Variants in NUP62CL observed in about 807,000 individuals in gnomAD.
NUP62CL encodes nucleoporin 62 C-terminal like.
Under a neutral mutation model 15.3 loss-of-function variants are expected in NUP62CL, and 13 were observed. The ratio of observed to expected loss-of-function variants is 0.85; its 90% CI spans 0.55 to 1.35. The LOEUF (loss-of-function observed/expected upper bound fraction) is 1.35. Among genes scored for constraint, NUP62CL ranks in the 40% most tolerant of loss-of-function variants. The pLI is 0.00. For synonymous variants in NUP62CL, 54 were observed against 49.2 expected, an observed-to-expected ratio of 1.10 and a Z score of -0.41; for missense variants, 123 against 130.6, an observed-to-expected ratio of 0.94 and a Z score of 0.28.
chrX:107,191,693 T>A (rs765125224), intron 2 of NUP62CL, among the ~76,000 whole-genome samples: 32 of 103,860 alleles, frequency 3.1e-4, no homozygotes, highest in African/African-American at 1.0e-3. Flanking sequence ...GGCGACAGAG[T>A]GAGACTCCAT....
At chrX:107,152,015 G>A (rs1244391634) in intron 7 of NUP62CL, among the ~76,000 whole-genome samples, 2 of 88,883 alleles carry the variant, frequency 2.3e-5, no homozygotes, top group Non-Finnish European at 4.3e-5. Context: ...GGGCGACAGA[G>A]CAAGACTTCA....
At chrX:107,161,638 G>GGGGGGAC (rs1926375523) in intron 4 of NUP62CL, among the ~76,000 whole-genome samples, 1 of 1,724 alleles carries the variant, frequency 5.8e-4, no homozygotes, top group African/African-American at 1.4e-3. Flanking sequence ...GTGGTGGGGA[G>GGGGGGAC]GGGGGAGGGA....
At chrX:107,198,936 T>A (rs1241604628) in intron 1 of NUP62CL, among the ~76,000 whole-genome samples, 3 of 112,270 alleles carry the variant, frequency 2.7e-5, no homozygotes, top group Admixed American at 9.4e-5. Flanking sequence ...ACTATAATTT[T>A]AAAAAATTAC....
intron 2 of NUP62CL, among the ~76,000 whole-genome samples, chrX:107,178,701 G>C (rs1341102083): frequency 1.8e-5 from 2 of 111,786 alleles, no homozygotes; most frequent in South Asian, 3.7e-4. Context: ...AGGTCCTCTG[G>C]GGGTGAAAGA....
At chrX:107,179,750 C>T (rs1926871369) in intron 2 of NUP62CL, among the ~76,000 whole-genome samples, 1 of 111,822 alleles carries the variant, frequency 8.9e-6, no homozygotes, top group Non-Finnish European at 1.9e-5. Context: ...CGTGGAATTG[C>T]TAAGTCAAAA....
At chrX:107,177,557 T>C (rs905819195) in intron 2 of NUP62CL, among the ~76,000 whole-genome samples, 1 of 111,643 alleles carries the variant, frequency 9.0e-6, no homozygotes, top group African/African-American at 3.3e-5. Flanking sequence ...CAGAGGCAGA[T>C]GTGACTGCAA....
At chrX:107,162,071 C>G (rs1456625832) in intron 4 of NUP62CL, among the ~76,000 whole-genome samples, 3 of 110,205 alleles carry the variant, frequency 2.7e-5, no homozygotes, top group South Asian at 3.8e-4. Context: ...ACGTATAGAA[C>G]TGAAATGTAA....
intron 5 of NUP62CL, 71 bp downstream of exon 5, chrX:107,154,025 A>C: frequency 2.1e-6 from 2 of 956,661 alleles, no homozygotes; most frequent in Non-Finnish European, 1.4e-6. Context: ...CACAAAACAC[A>C]GGTCTATTTT....
At chrX:107,137,603 G>A (rs773803484) in intron 8 of NUP62CL, among the ~76,000 whole-genome samples, 37 of 111,450 alleles carry the variant, frequency 3.3e-4, no homozygotes, top group Non-Finnish European at 6.2e-4. Flanking sequence ...AAAAACTTGC[G>A]TAACATAATA....
At chrX:107,164,756 T>C (rs909547194) in intron 4 of NUP62CL, among the ~76,000 whole-genome samples, 1 of 112,495 alleles carries the variant, frequency 8.9e-6, no homozygotes, top group African/African-American at 3.2e-5. Flanking sequence ...ACCTGAATAG[T>C]TCTAGAACCA....
In NUP62CL at chrX:107,149,216, T is replaced by C. The variant is rs1321772505; in HGVS notation, c.531-1407A>G. Among the ~76,000 whole-genome samples the C allele has an allele frequency of 6.2e-5, 7 of 112,266 alleles. No homozygotes were observed. The East Asian group carries it at 1.7e-3, about 27-fold the overall frequency. On this transcript the variant is annotated intron_variant, in intron 7 of 8. Coordinates refer to ENST00000372466, the MANE Select transcript of NUP62CL (RefSeq NM_017681.3). ...TACTTGATTGAGAACACTCCACTTATATTAATTCAACACAGAGAAACTAGA... is the reference window on the plus strand; with the variant it reads ...TACTTGATTGAGAACACTCCACTTACATTAATTCAACACAGAGAAACTAGA...
chrX:107,177,227 G>A (rs1476932027), intron 2 of NUP62CL, among the ~76,000 whole-genome samples: 2 of 111,130 alleles, frequency 1.8e-5, no homozygotes, highest in South Asian at 3.8e-4. Flanking sequence ...TTGCTCAAAA[G>A]GAAATACTTA....
rs369893920 is a variant in NUP62CL at position 107,144,850 on chromosome X, A to G, written c.*42+2893T>C. ...TTCTCTTACCTGACCACACAAACATAGTAAATTCTGATAATCAGTAACCAG... is the reference window on the plus strand; with the variant it reads ...TTCTCTTACCTGACCACACAAACATGGTAAATTCTGATAATCAGTAACCAG... On this transcript the variant is annotated intron_variant, in intron 8 of 8. Coordinates refer to ENST00000372466, the MANE Select transcript of NUP62CL (RefSeq NM_017681.3). Among the ~76,000 whole-genome samples, 3 of 111,740 alleles carry G rather than the reference A, an allele frequency of 2.7e-5. No individual in the cohort carries two copies. In the East Asian group the frequency reaches 8.4e-4, roughly 31 times the overall value.
intron 2 of NUP62CL, among the ~76,000 whole-genome samples, chrX:107,191,041 T>C (rs1927225340): frequency 9.4e-6 from 1 of 106,495 alleles, no homozygotes; most frequent in African/African-American, 3.4e-5. Flanking sequence ...GTCCAACTTT[T>C]TTTTTTTTTA....
chrX:107,142,284 G>T (rs770875780), intron 8 of NUP62CL, among the ~76,000 whole-genome samples: 6 of 110,851 alleles, frequency 5.4e-5, no homozygotes, highest in Non-Finnish European at 1.1e-4. Flanking sequence ...AACTAAGAAT[G>T]TTTTGCACCA....
At chrX:107,147,628 A>G (rs1358337490) in intron 8 of NUP62CL, 115 bp downstream of exon 8, 1 of 501,697 alleles carries the variant, frequency 2.0e-6, no homozygotes, top group African/African-American at 2.3e-5. Flanking sequence ...CTGTGCGTTA[A>G]GCAACACCCA....
At chrX:107,173,969 G>C (rs1337693646) in intron 3 of NUP62CL, among the ~76,000 whole-genome samples, 3 of 109,590 alleles carry the variant, frequency 2.7e-5, no homozygotes, top group Admixed American at 9.7e-5. Flanking sequence ...TCAGTTTATA[G>C]AGGCCTGTAA....
intron 2 of NUP62CL, among the ~76,000 whole-genome samples, chrX:107,179,481 T>C (rs749131701): frequency 9.0e-6 from 1 of 111,602 alleles, no homozygotes; most frequent in Non-Finnish European, 1.9e-5. Flanking sequence ...GTACCTACCG[T>C]TTAGCTCCCA....
At chrX:107,197,832 G>T (rs1008591656) in intron 1 of NUP62CL, among the ~76,000 whole-genome samples, 1 of 111,760 alleles carries the variant, frequency 8.9e-6, no homozygotes, top group African/African-American at 3.3e-5. Context: ...AAATGCATTT[G>T]GAGCCTCAGT....
Sources: allele counts gnomAD v4.1 joint callset (sites outside exome capture counted in the v4.1 genomes callset), GRCh38; gene constraint gnomAD v4.1.1; transcripts MANE v1.5; gene names NCBI Gene and HGNC (gene_info 2026-07-23, HGNC 2026-07-21).